LRP1B: variants seen among roughly 807,000 people sequenced by gnomAD.
LRP1B encodes low-density lipoprotein receptor-related protein 1B.
In LRP1B, 217 loss-of-function variants were observed where a neutral mutation model predicts 556.6. The ratio of observed to expected loss-of-function variants is 0.39; its 90% CI spans 0.35 to 0.44. The LOEUF is 0.44. Among genes scored for constraint, LRP1B ranks in the 20% least tolerant of loss-of-function variants. The pLI is 1.00. For missense variants in LRP1B, 5,053 were observed against 5,620.8 expected, an observed-to-expected ratio of 0.90 and a Z score of 3.23; for synonymous variants, 2,047 against 1,865.8, an observed-to-expected ratio of 1.10 and a Z score of -2.50.
intron 2 of LRP1B, among the ~76,000 whole-genome samples, chr2:141,779,638 G>T (rs1318711694): frequency 6.6e-6 from 1 of 151,662 alleles, no homozygotes; most frequent in Non-Finnish European, 1.5e-5. Flanking sequence ...TTTTAAAATG[G>T]TTATTCCATT....
intron 15 of LRP1B, among the ~76,000 whole-genome samples, chr2:141,005,120 C>T (rs1237588079): frequency 6.6e-6 from 1 of 151,954 alleles, no homozygotes; most frequent in East Asian, 1.9e-4. Flanking sequence ...CTAAATCACC[C>T]ATAGCAGTGA....
intron 35 of LRP1B, among the ~76,000 whole-genome samples, chr2:140,737,336 GAC>G (rs777230132): frequency 1.1e-4 from 17 of 152,256 alleles, no homozygotes; most frequent in Admixed American, 2.0e-4. Context: ...AGGATTACTG[GAC>G]ACAGTGTCTG....
At chr2:141,486,839 T>C (rs1282692214) in intron 2 of LRP1B, among the ~76,000 whole-genome samples, 1 of 151,990 alleles carries the variant, frequency 6.6e-6, no homozygotes, top group Non-Finnish European at 1.5e-5. Context: ...CTTCAAAACA[T>C]AGACTGCACC....
intron 35 of LRP1B, among the ~76,000 whole-genome samples, chr2:140,748,288 A>AAG (rs1559093825): frequency 2.7e-5 from 2 of 72,858 alleles, no homozygotes; most frequent in Non-Finnish European, 5.9e-5. Context: ...ATGTTCATAT[A>AAG]TGTATATATA....
At chr2:141,529,349 T>C (rs914942744) in intron 2 of LRP1B, among the ~76,000 whole-genome samples, 1 of 152,310 alleles carries the variant, frequency 6.6e-6, no homozygotes, top group East Asian at 1.9e-4. Flanking sequence ...GTGAAAGATA[T>C]GGTCTTTGCC....
chr2:141,908,458 T>C (rs1699819135), intron 1 of LRP1B, among the ~76,000 whole-genome samples: 1 of 151,766 alleles, frequency 6.6e-6, no homozygotes, highest in South Asian at 2.1e-4. Flanking sequence ...ACTGTAATTG[T>C]GGAAAAAAAA....
intron 2 of LRP1B, among the ~76,000 whole-genome samples, chr2:141,736,308 T>C (rs904992098): frequency 6.6e-6 from 1 of 152,148 alleles, no homozygotes; most frequent in African/African-American, 2.4e-5. Context: ...ACAAGACATG[T>C]TGAAGTCTGA....
At chr2:141,496,222 T>C (rs1216983567) in intron 2 of LRP1B, among the ~76,000 whole-genome samples, 1 of 151,930 alleles carries the variant, frequency 6.6e-6, no homozygotes, top group East Asian at 1.9e-4. Context: ...TTTGTATGTA[T>C]GTGTCATAAT....
intron 43 of LRP1B, among the ~76,000 whole-genome samples, chr2:140,544,434 G>A (rs1418449882): frequency 5.3e-5 from 8 of 151,956 alleles, no homozygotes; most frequent in Admixed American, 2.6e-4. Context: ...AGTACCCACT[G>A]ATTATTTTCA....
At chr2:141,330,623 T>C (rs1187392720) in intron 3 of LRP1B, among the ~76,000 whole-genome samples, 1 of 152,168 alleles carries the variant, frequency 6.6e-6, no homozygotes, top group Non-Finnish European at 1.5e-5. Context: ...TGCAAAGCAA[T>C]GTAATTGTAA....
chr2:141,353,175 A>G (rs1268763242), intron 3 of LRP1B, among the ~76,000 whole-genome samples: 3 of 152,002 alleles, frequency 2.0e-5, no homozygotes, highest in African/African-American at 7.2e-5. Flanking sequence ...TTGGGGTCAT[A>G]GGACTGGGTT....
chr2:141,409,464 A>C (rs975750655), intron 3 of LRP1B, among the ~76,000 whole-genome samples: 3 of 152,142 alleles, frequency 2.0e-5, no homozygotes, highest in African/African-American at 7.2e-5. Context: ...TACATACATA[A>C]GAGACGTTCA....
At chr2:141,895,048 C>CAAAAAAAAAAAAA (rs369108197) in intron 1 of LRP1B, among the ~76,000 whole-genome samples, 1 of 78,520 alleles carries the variant, frequency 1.3e-5, no homozygotes, top group African/African-American at 5.4e-5. Flanking sequence ...AACTCCATCT[C>CAAAAAAAAAAAAA]AAAAAAAAAA....
rs1246315468 is a variant in LRP1B at position 140,850,089 on chromosome 2, A to G, written c.4939+13T>C. The G allele has an allele frequency of 6.6e-7, 1 of 1,504,318 alleles. No individual in the cohort carries two copies. Among genetic ancestry groups the G allele is most frequent in the South Asian group, 1.1e-5 (1 of 87,804 alleles). The allele number at this position is 1,504,318 out of a possible 1,614,324, so 93.2% of individuals were successfully genotyped here. The stretch of plus-strand genomic sequence containing the variant: ...AAACACTTTTAAAGTTGTAACATGT[A>G]CGAATCTTTTACCTCTTGAAATAAC... On this transcript the variant is annotated intron_variant, in intron 29 of 90. Transcript: ENST00000389484.
intron 1 of LRP1B, among the ~76,000 whole-genome samples, chr2:142,054,898 CA>C (rs753664480): frequency 6.6e-6 from 1 of 151,942 alleles, no homozygotes; most frequent in Non-Finnish European, 1.5e-5. Context: ...AAATTTGGAA[CA>C]TTTTACATAA....
intron 2 of LRP1B, among the ~76,000 whole-genome samples, chr2:141,756,243 T>C (rs572556057): frequency 6.6e-6 from 1 of 152,226 alleles, no homozygotes; most frequent in East Asian, 1.9e-4. Context: ...TTAGCTGAAT[T>C]ATTAAATTGT....
intron 7 of LRP1B, among the ~76,000 whole-genome samples, chr2:141,187,759 T>C (rs950032549): frequency 2.0e-5 from 3 of 151,940 alleles, no homozygotes; most frequent in Non-Finnish European, 4.4e-5. Context: ...TTATGAAATA[T>C]GGTAAAAAGA....
chr2:141,691,371 G>A (rs774957082), intron 2 of LRP1B, among the ~76,000 whole-genome samples: 3 of 150,366 alleles, frequency 2.0e-5, no homozygotes, highest in Non-Finnish European at 4.4e-5. Context: ...GTGCTGTACT[G>A]TAGGCTGAAC....
chr2:140,365,769 G>A (rs13414281), intron 71 of LRP1B, among the ~76,000 whole-genome samples: 46,587 of 151,394 alleles, frequency 0.31, 8,148 homozygotes, highest in Non-Finnish European at 0.4. Flanking sequence ...TCATGTATAC[G>A]TAAGAGATAC....
Sources: gnomAD v4.1 joint callset for allele counts (sites outside exome capture counted in the v4.1 genomes callset) on GRCh38, gnomAD v4.1.1 for gene constraint, MANE v1.5 for transcripts, NCBI Gene and HGNC (gene_info 2026-07-23, HGNC 2026-07-21) for gene names.